Variants in SLC39A10 observed in about 807,000 individuals in gnomAD.
SLC39A10 encodes solute carrier family 39 member 10.
In SLC39A10, 13 loss-of-function variants were observed where a neutral mutation model predicts 65.1. The ratio of observed to expected loss-of-function variants is 0.20; its 90% CI spans 0.13 to 0.32. The LOEUF is 0.32. SLC39A10 is among the 10% of genes least tolerant of loss of function. SLC39A10 has a pLI of 1.00. For synonymous variants in SLC39A10, 321 were observed against 342.2 expected (o/e 0.94, Z 0.68); for missense variants, 831 against 1,018.4 (o/e 0.82, Z 2.50).
At chr2:195,658,558 A>G (rs1689257969) in intron 1 of SLC39A10, 1 of 152,222 alleles carries the variant, frequency 6.6e-6, no homozygotes, top group Admixed American at 6.5e-5. Flanking sequence ...TTGGATGTGT[A>G]TCTAAATTGT....
chr2:195,644,760 C>T (rs61339155), intron 2 of SLC39A10, among the ~76,000 whole-genome samples: 142 of 151,124 alleles, frequency 9.4e-4, no homozygotes, highest in African/African-American at 3.4e-3. Context: ...AGCTTTATCA[C>T]GCCACTGCAC....
chr2:195,700,147 T>C lies in SLC39A10; in HGVS notation c.1217-6469T>C, dbSNP rs551189717. 2.6e-5 allele frequency among the ~76,000 whole-genome samples: 4 copies of C among 152,322 alleles called. No homozygotes were observed. In the South Asian group the frequency reaches 8.3e-4, roughly 32 times the overall value. On this transcript the variant is annotated intron_variant, in intron 3 of 9. Transcript: ENST00000359634. ...GAGTCTCTTGTATATAACACATAGT[T>C]GACTCATGTGTTTTTATTCATTCTG...
chr2:195,632,527 C>G (rs925801509), intron 2 of SLC39A10, among the ~76,000 whole-genome samples: 1 of 151,906 alleles, frequency 6.6e-6, no homozygotes, highest in Non-Finnish European at 1.5e-5. Context: ...TCAAACTCCT[C>G]AAACTCCTGA....
intron 2 of SLC39A10, among the ~76,000 whole-genome samples, chr2:195,634,696 C>T (rs1265853559): frequency 6.6e-5 from 10 of 152,144 alleles, no homozygotes; most frequent in Admixed American, 6.5e-4. Context: ...ATTTTTATCT[C>T]ATATAATAAG....
intron 2 of SLC39A10, among the ~76,000 whole-genome samples, chr2:195,649,753 G>C (rs1038791732): frequency 6.6e-6 from 1 of 152,190 alleles, no homozygotes; most frequent in African/African-American, 2.4e-5. Flanking sequence ...GTTATGTTCT[G>C]AAAAGTCAAT....
At chr2:195,665,842 T>C (rs764474287) in intron 1 of SLC39A10, among the ~76,000 whole-genome samples, 5 of 152,220 alleles carry the variant, frequency 3.3e-5, no homozygotes, top group Admixed American at 6.5e-5. Context: ...AGAATGATTT[T>C]AGTGCTCTTT....
intron 9 of SLC39A10, among the ~76,000 whole-genome samples, chr2:195,729,695 A>G (rs1352826610): frequency 2.0e-5 from 3 of 151,924 alleles, no homozygotes; most frequent in Non-Finnish European, 4.4e-5. Flanking sequence ...TAAACCTCAT[A>G]TTACTTCTCC....
chr2:195,683,666 CTTATT>C (rs1247466315), intron 2 of SLC39A10, 28 bp from the exon 3 acceptor site: 2 of 1,543,402 alleles, frequency 1.3e-6, no homozygotes, highest in East Asian at 2.2e-5. Flanking sequence ...TAAAGACACT[CTTATT>C]TAATTTGTTT....
chr2:195,651,083 T>G (rs997589330), intron 2 of SLC39A10, among the ~76,000 whole-genome samples: 4 of 151,836 alleles, frequency 2.6e-5, no homozygotes, highest in Non-Finnish European at 5.9e-5. Flanking sequence ...AAAAAATGTT[T>G]TTTTTTTTTT....
At chr2:195,615,892 C>T (rs1688195745) in intron 2 of SLC39A10, among the ~76,000 whole-genome samples, 1 of 152,316 alleles carries the variant, frequency 6.6e-6, no homozygotes, top group African/African-American at 2.4e-5. Context: ...CCACATTCTG[C>T]TTTCTAATTA....
intron 2 of SLC39A10, among the ~76,000 whole-genome samples, chr2:195,642,199 A>G (rs1268190131): frequency 6.6e-6 from 1 of 152,202 alleles, no homozygotes; most frequent in Non-Finnish European, 1.5e-5. Context: ...GGACTTGATC[A>G]GAAGCCAACT....
intron 7 of SLC39A10, 174 bp downstream of exon 7, chr2:195,717,179 T>G: frequency 1.4e-6 from 1 of 727,094 alleles, no homozygotes; most frequent in Admixed American, 3.3e-5. Flanking sequence ...AGGGTATAAT[T>G]TAGTGGGGTT....
intron 2 of SLC39A10, among the ~76,000 whole-genome samples, chr2:195,639,958 A>T (rs919507508): frequency 3.9e-5 from 6 of 152,340 alleles, no homozygotes; most frequent in African/African-American, 1.4e-4. Flanking sequence ...TTAATTAATT[A>T]GTTAATTTTT....
At chr2:195,662,688 T>TA (rs2105733801) in intron 1 of SLC39A10, among the ~76,000 whole-genome samples, 1 of 152,332 alleles carries the variant, frequency 6.6e-6, no homozygotes, top group African/African-American at 2.4e-5. Flanking sequence ...TTTTGAGTTT[T>TA]AAAATAGTGG....
At chr2:195,686,811 A>T (rs1350631161) in intron 3 of SLC39A10, among the ~76,000 whole-genome samples, 1 of 152,208 alleles carries the variant, frequency 6.6e-6, no homozygotes, top group Non-Finnish European at 1.5e-5. Context: ...ACTGTGCTGT[A>T]ATTCTTATAC....
At chr2:195,699,400 TG>T (rs1691093953) in intron 3 of SLC39A10, among the ~76,000 whole-genome samples, 1 of 73,066 alleles carries the variant, frequency 1.4e-5, no homozygotes, top group Non-Finnish European at 3.2e-5. Context: ...AGATCTTACT[TG>T]TTTTTTTCAT....
rs553766542 is a variant in SLC39A10, at chr2:195,736,502, C to T, written c.*1461C>T. 8 of 160,288 alleles carry T rather than the reference C, an allele frequency of 5.0e-5. No individual in the cohort carries two copies. In the East Asian group the frequency reaches 1.5e-3, roughly 31 times the overall value. The allele number at this position is 160,288 out of a possible 1,614,324, so 9.9% of individuals were successfully genotyped here. ...ATCTTATTGTTCAAATATATAAGAG[C>T]CAAACTCTTTTCCATTCCATCTAAA... On this transcript the variant is annotated 3_prime_UTR_variant, in exon 10 of 10. Coordinates refer to ENST00000359634, the MANE Select transcript of SLC39A10 (RefSeq NM_020342.3).
At chr2:195,696,734 GTATGT>G (rs553961401) in intron 3 of SLC39A10, among the ~76,000 whole-genome samples, 319 of 152,134 alleles carry the variant, frequency 2.1e-3, no homozygotes, top group African/African-American at 6.3e-3. Context: ...TATGTCAACA[GTATGT>G]TATATCTATT....
chr2:195,638,717 G>C (rs778200610), intron 2 of SLC39A10, among the ~76,000 whole-genome samples: 1 of 152,000 alleles, frequency 6.6e-6, no homozygotes, highest in Non-Finnish European at 1.5e-5. Context: ...CATCCAGTTT[G>C]TCTTATTATT....
Sources: gnomAD v4.1 joint callset for allele counts (sites outside exome capture counted in the v4.1 genomes callset) on GRCh38, gnomAD v4.1.1 for gene constraint, MANE v1.5 for transcripts, NCBI Gene and HGNC (gene_info 2026-07-23, HGNC 2026-07-21) for gene names.